GPC6: variants seen among roughly 807,000 people sequenced by gnomAD.
GPC6 encodes the protein glypican-6.
Under a neutral mutation model 55.2 loss-of-function variants are expected in GPC6, and 14 were observed. The observed-to-expected ratio is 0.25, with a 90% CI of 0.17 to 0.40. The LOEUF (loss-of-function observed/expected upper bound fraction) is 0.40. GPC6 is among the 10% of genes least tolerant of loss of function. GPC6 has a pLI of 1.00. For synonymous variants in GPC6, 278 were observed against 259.6 expected, an observed-to-expected ratio of 1.07 and a Z score of -0.68; for missense variants, 641 against 708.5, an observed-to-expected ratio of 0.90 and a Z score of 1.08.
intron 1 of GPC6, among the ~76,000 whole-genome samples, chr13:93,425,252 C>T (rs1049281709): frequency 7.2e-5 from 11 of 152,142 alleles, no homozygotes; most frequent in African/African-American, 2.7e-4. Context: ...GTACTGGCCA[C>T]TTTAGCAACA....
At position 93,359,055 on chromosome 13, in the gene GPC6, A is replaced by G. The variant is rs372019631; in HGVS notation, c.160+131439A>G. On this transcript the variant is annotated intron_variant, in intron 1 of 8. Transcript: ENST00000377047. ...GTGATCACGGCTCACTGCTGCTTCAACCTCCTGGGCTCGAGATCCTCCCAC... is the reference window on the plus strand; with the variant it reads ...GTGATCACGGCTCACTGCTGCTTCAGCCTCCTGGGCTCGAGATCCTCCCAC... Among the ~76,000 whole-genome samples the G allele has an allele frequency of 4.7e-5, 7 of 150,028 alleles. No individual in the cohort carries two copies. The East Asian group carries it at 7.9e-4, about 17-fold the overall frequency.
intron 4 of GPC6, among the ~76,000 whole-genome samples, chr13:94,239,055 A>G (rs1280271974): frequency 1.3e-5 from 2 of 152,186 alleles, no homozygotes; most frequent in African/African-American, 2.4e-5. Context: ...TAACGTGAAT[A>G]CAACGCAAAA....
chr13:93,382,943 T>A (rs1007049784), intron 1 of GPC6, among the ~76,000 whole-genome samples: 8 of 152,168 alleles, frequency 5.3e-5, no homozygotes, highest in African/African-American at 1.9e-4. Flanking sequence ...CCACCCATCC[T>A]TTCCCTCTCT....
intron 1 of GPC6, among the ~76,000 whole-genome samples, chr13:93,489,751 C>T (rs1032582219): frequency 3.9e-4 from 59 of 151,276 alleles, no homozygotes; most frequent in Non-Finnish European, 7.7e-4. Flanking sequence ...TGGGAGTTCA[C>T]TCATGATTTG....
intron 2 of GPC6, among the ~76,000 whole-genome samples, chr13:93,677,580 G>T (rs989950884): frequency 2.0e-5 from 3 of 152,062 alleles, no homozygotes; most frequent in Non-Finnish European, 4.4e-5. Context: ...GCATTGAAAT[G>T]GTCGGTTGAG....
chr13:94,255,478 G>T (rs1891476748), intron 4 of GPC6, among the ~76,000 whole-genome samples: 1 of 152,140 alleles, frequency 6.6e-6, no homozygotes, highest in South Asian at 2.1e-4. Flanking sequence ...AGCCATGTGT[G>T]GAAGGACTTG....
At chr13:93,708,476 C>A (rs190337182) in intron 2 of GPC6, among the ~76,000 whole-genome samples, 3 of 151,860 alleles carry the variant, frequency 2.0e-5, no homozygotes, top group African/African-American at 7.2e-5. Flanking sequence ...TTAGAGATAT[C>A]TTTCAGCAAT....
At chr13:93,914,815 T>A (rs1056609738) in intron 3 of GPC6, among the ~76,000 whole-genome samples, 1 of 152,106 alleles carries the variant, frequency 6.6e-6, no homozygotes, top group African/African-American at 2.4e-5. Context: ...TGTATGAGAT[T>A]AGAGGAGAAA....
intron 4 of GPC6, among the ~76,000 whole-genome samples, chr13:94,098,471 C>T (rs1885741573): frequency 1.3e-5 from 2 of 152,114 alleles, no homozygotes; most frequent in Non-Finnish European, 2.9e-5. Flanking sequence ...AAATCAATAT[C>T]ATCCTTTTCT....
At chr13:93,453,029 C>T (rs779513735) in intron 1 of GPC6, among the ~76,000 whole-genome samples, 3 of 152,198 alleles carry the variant, frequency 2.0e-5, no homozygotes, top group Non-Finnish European at 4.4e-5. Context: ...TGTTTTGAGA[C>T]TACTTTGAGT....
In GPC6 at chr13:93,230,206, A is replaced by G. The variant is rs79162389; in HGVS notation, c.160+2590A>G. Among the ~76,000 whole-genome samples the G allele has an allele frequency of 2.0e-3, 302 of 152,286 alleles. 3 individuals carry two copies. In the East Asian group the frequency reaches 0.038, roughly 19 times the overall value. On this transcript the variant is annotated intron_variant, in intron 1 of 8. Coordinates refer to ENST00000377047, the MANE Select transcript of GPC6 (RefSeq NM_005708.5). ...CTGTTTCTAATTGAAAGCTATTTGC[A>G]GGTAGCTTGCTTAGTGAAATAACTT...
intron 2 of GPC6, among the ~76,000 whole-genome samples, chr13:93,767,611 G>A (rs1885163709): frequency 6.6e-6 from 1 of 152,092 alleles, no homozygotes; most frequent in South Asian, 2.1e-4. Flanking sequence ...TTGCTCCAAT[G>A]TATAGCTGAT....
At chr13:93,451,558 G>A (rs1439126670) in intron 1 of GPC6, among the ~76,000 whole-genome samples, 1 of 152,136 alleles carries the variant, frequency 6.6e-6, no homozygotes, top group Non-Finnish European at 1.5e-5. Flanking sequence ...ACACCATCAT[G>A]CCCGTTCATG....
chr13:94,250,184 G>A (rs539614700), intron 4 of GPC6, among the ~76,000 whole-genome samples: 2 of 152,286 alleles, frequency 1.3e-5, no homozygotes, highest in African/African-American at 4.8e-5. Context: ...TAAATTGAAT[G>A]TGCAGCAAAC....
intron 5 of GPC6, among the ~76,000 whole-genome samples, chr13:94,290,685 A>AT (rs1293674370): frequency 6.6e-6 from 1 of 152,136 alleles, no homozygotes; most frequent in Non-Finnish European, 1.5e-5. Context: ...TCTCTCAGCA[A>AT]TTTTCAAGTA....
chr13:93,241,075 C>G (rs903278192), intron 1 of GPC6, among the ~76,000 whole-genome samples: 1 of 152,090 alleles, frequency 6.6e-6, no homozygotes, highest in Non-Finnish European at 1.5e-5. Context: ...AGAATTATTT[C>G]TTTCATGTTG....
chr13:93,251,100 A>G (rs1876772814), intron 1 of GPC6, among the ~76,000 whole-genome samples: 1 of 152,170 alleles, frequency 6.6e-6, no homozygotes, highest in Admixed American at 6.5e-5. Flanking sequence ...GTTATCTCCC[A>G]CTGGGTCCCT....
At chr13:93,794,215 A>G (rs1338806179) in intron 2 of GPC6, among the ~76,000 whole-genome samples, 3 of 152,228 alleles carry the variant, frequency 2.0e-5, no homozygotes, top group Non-Finnish European at 1.5e-5. Flanking sequence ...TTAAATGCCC[A>G]GGGATAAACC....
intron 3 of GPC6, among the ~76,000 whole-genome samples, chr13:93,920,569 T>C (rs567409960): frequency 6.6e-6 from 1 of 152,250 alleles, no homozygotes; most frequent in East Asian, 1.9e-4. Context: ...TTTTAATGAG[T>C]CCACCATCCT....
Sources: gnomAD v4.1 joint callset for allele counts (sites outside exome capture counted in the v4.1 genomes callset) on GRCh38, gnomAD v4.1.1 for gene constraint, MANE v1.5 for transcripts, NCBI Gene and HGNC (gene_info 2026-07-23, HGNC 2026-07-21) for gene names.